NPC1L1: variants seen among roughly 807,000 people sequenced by gnomAD.
The protein encoded by NPC1L1 is NPC1 like intracellular cholesterol transporter 1.
NPC1L1 carries 98 observed loss-of-function variants against 117.0 expected under a neutral mutation model. That is an observed-to-expected ratio of 0.84 (90% CI 0.71 to 0.99). The LOEUF (loss-of-function observed/expected upper bound fraction) is 0.99, where lower values mean the gene tolerates loss of function less well. NPC1L1 is among the 50% of genes least tolerant of loss of function. The pLI is 0.00. For synonymous variants in NPC1L1, 729 were observed against 727.6 expected, an observed-to-expected ratio of 1.00 and a Z score of -0.03; for missense variants, 1,540 against 1,710.0, an observed-to-expected ratio of 0.90 and a Z score of 1.75.
In NPC1L1 at chr7:44,521,803, C is replaced by T; in HGVS notation, c.2862G>A (p.Val954=). 1 of 1,614,082 alleles carries T rather than the reference C, an allele frequency of 6.2e-7. No individual in the cohort carries two copies. The highest frequency in any genetic ancestry group is 8.5e-7 in the Non-Finnish European group (1 of 1,180,008). Residue 954 remains valine, a synonymous_variant, in exon 12 of 19, where the codon GTG becomes GTA. Transcript: ENST00000381160. ...GGGTCAGCCAGTCAATGAAGTCATCCACCCAGGAGGAGGCAGGGATGGCCA... is the reference window on the plus strand; with the variant it reads ...GGGTCAGCCAGTCAATGAAGTCATCTACCCAGGAGGAGGCAGGGATGGCCA... ...SYLAIPASSW[V]DDFIDWLTPS... is the part of the protein sequence containing the mutation.
chr7:44,516,761 C>T lies in NPC1L1; in HGVS notation c.3461G>A (p.Gly1154Asp), dbSNP rs1383861944. Residue 1154 changes from glycine (G) to aspartate (D), a missense_variant, in exon 16 of 19, where the codon GGC (glycine) becomes GAC (aspartate). Gly to Asp is a moderately conservative substitution (Grantham distance 94). This residue lies in a region of NPC1L1 where 742 missense variants were observed against 873.6 expected (regional missense o/e 0.85). Coordinates refer to ENST00000381160, the MANE Select transcript of NPC1L1 (RefSeq NM_001101648.2). The stretch of plus-strand genomic sequence containing the variant: ...ACTGATGCCCCACAGGGCCATGAAG[C>T]CGACAGTGTCCACGAGGATCATGAC... Reference protein sequence around the residue: ...SIVMILVDTVGFMALWGISYN... With the variant: ...SIVMILVDTVDFMALWGISYN... 6.2e-7 allele frequency: 1 copy of T among 1,613,714 alleles called. No homozygotes were observed. Among genetic ancestry groups the T allele is most frequent in the Non-Finnish European group, 8.5e-7 (1 of 1,179,886 alleles).
At chr7:44,533,920 G>A in intron 6 of NPC1L1, 67 bp from the exon 7 acceptor site, 1 of 1,386,962 alleles carries the variant, frequency 7.2e-7, no homozygotes, top group Non-Finnish European at 1.0e-6. Context: ...AGGCCAGCAG[G>A]GAGTTGGCAA....
chr7:44,524,732 A>G (rs1801457945), intron 10 of NPC1L1, among the ~76,000 whole-genome samples: 1 of 152,190 alleles, frequency 6.6e-6, no homozygotes, highest in South Asian at 2.1e-4. Context: ...TGATAGAGCA[A>G]GACTCTGTCT....
chr7:44,525,397 A>G (rs1801481038), intron 10 of NPC1L1, among the ~76,000 whole-genome samples: 1 of 152,172 alleles, frequency 6.6e-6, no homozygotes, highest in African/African-American at 2.4e-5. Context: ...ATCTTGGACT[A>G]CAAGTGCGCA....
chr7:44,536,521 C>T lies in NPC1L1; in HGVS notation c.1682-93G>A, dbSNP rs1329075042. On this transcript the variant is annotated intron_variant, in intron 3 of 18. Coordinates refer to ENST00000381160, the MANE Select transcript of NPC1L1 (RefSeq NM_001101648.2). This position sits in a 1 kb window ranked among gnomAD's most constrained non-coding sequence, Gnocchi z 4.7. ...TATATTCCCTCCCCCTATCTAGCTG[C>T]ACCCCTCCCATCACCCCTTGCTCCT... The T allele has an allele frequency of 3.6e-6, 5 of 1,375,492 alleles. No homozygotes were observed. Among genetic ancestry groups the T allele is most frequent in the Non-Finnish European group, 5.1e-6 (5 of 979,008 alleles). 85.2% of individuals were successfully genotyped at this position (1,375,492 alleles called of 1,614,324 possible).
At position 44,516,609 on chromosome 7, in the gene NPC1L1, A is replaced by G. The variant is rs1269118819; in HGVS notation, c.3519+94T>C. The G allele has an allele frequency of 4.3e-5, 46 of 1,076,080 alleles. No individual in the cohort carries two copies. In the East Asian group the frequency reaches 1.2e-3, roughly 27 times the overall value. 66.7% of individuals were successfully genotyped at this position (1,076,080 alleles called of 1,614,324 possible). On this transcript the variant is annotated intron_variant, in intron 16 of 18. Transcript: ENST00000381160. ...CAACAGAGCAAGACCCTGCCTCTAAAAAAAGAAACAAAAAAGAACTAGGAG... is the reference window on the plus strand; with the variant it reads ...CAACAGAGCAAGACCCTGCCTCTAAGAAAAGAAACAAAAAAGAACTAGGAG...
At chr7:44,513,937 C>A (rs1801113633) in intron 18 of NPC1L1, among the ~76,000 whole-genome samples, 1 of 152,164 alleles carries the variant, frequency 6.6e-6, no homozygotes, top group African/African-American at 2.4e-5. Context: ...TTGCCCCTCT[C>A]TTATGTCTCA....
chr7:44,520,323 C>G (rs1004625874), intron 14 of NPC1L1, among the ~76,000 whole-genome samples: 1 of 152,056 alleles, frequency 6.6e-6, no homozygotes, highest in African/African-American at 2.4e-5. Flanking sequence ...CTGGGCTGGT[C>G]TCAAACTCCT....
In NPC1L1 at chr7:44,521,053, G is replaced by T. The variant is rs532195161; in HGVS notation, c.3019C>A (p.Gln1007Lys). 1.7e-5 allele frequency: 28 copies of T among 1,614,136 alleles called. No individual in the cohort carries two copies. The South Asian group carries it at 3.0e-4, about 17-fold the overall frequency. ...AACCAGGGAAGATACTTATGGAACT[G>T]CTCCACCGAGGGCCTCACAGAGCCC... ...TMGSVRPSVE[Q>K]FHKYLPWFLN... Residue 1007 changes from glutamine (Q) to lysine (K), a missense_variant, in exon 13 of 19, where the codon CAG becomes AAG. By Grantham distance (53) the Gln-to-Lys change is moderately conservative. Transcript: ENST00000381160.
In NPC1L1 at chr7:44,517,194, C is replaced by T. The variant is rs761421077; in HGVS notation, c.3287+13G>A. ...ACCCCACCTCCCTCCAGCCCAGCCA[C>T]TCAGGTCCTCACGTGTAGGGGAAGA... On this transcript the variant is annotated intron_variant, in intron 15 of 18. Transcript: ENST00000381160. 1 of 1,614,134 alleles carries T rather than the reference C, an allele frequency of 6.2e-7. No homozygotes were observed. The highest frequency in any genetic ancestry group is 8.5e-7 in the Non-Finnish European group (1 of 1,179,978).
intron 17 of NPC1L1, 33 bp downstream of exon 17, chr7:44,516,050 TG>T: frequency 6.2e-7 from 1 of 1,606,688 alleles, no homozygotes; most frequent in African/African-American, 1.3e-5. Context: ...GGGTGTCGAG[TG>T]GGGCACAGGG....
chr7:44,514,874 G>C (rs975676166), intron 18 of NPC1L1, among the ~76,000 whole-genome samples: 3 of 151,186 alleles, frequency 2.0e-5, no homozygotes, highest in Non-Finnish European at 4.4e-5. Context: ...TTGGCCAGGC[G>C]TGGTGGTGCG....
rs139257371 is a variant in NPC1L1, at chr7:44,522,183, C to G, written c.2697G>C (p.Pro899=). Residue 899 remains proline (P), a synonymous_variant, in exon 11 of 19, where the codon CCG becomes CCC. Transcript: ENST00000381160. ...FLNRYFEVGA[P]VYFVTTLGYN... is the part of the protein sequence containing the mutation. ...AGCCCAAGGTGGTAACAAAGTACAC[C>G]GGGGCCCCCACCTCGAAGTAGCGGT... The G allele has an allele frequency of 3.1e-6, 5 of 1,613,884 alleles. No individual in the cohort carries two copies. Among genetic ancestry groups the G allele is most frequent in the Non-Finnish European group, 4.2e-6 (5 of 1,179,924 alleles).
At chr7:44,513,672 A>T (rs764169421) in intron 18 of NPC1L1, 23 bp from the exon 19 acceptor site, 19 of 1,609,916 alleles carry the variant, frequency 1.2e-5, no homozygotes, top group Admixed American at 1.7e-5. Context: ...AGAGAACCAC[A>T]GTCAGAGAGG....
chr7:44,531,340 T>G (rs1054960918), intron 10 of NPC1L1, among the ~76,000 whole-genome samples: 9 of 152,112 alleles, frequency 5.9e-5, no homozygotes, highest in Non-Finnish European at 4.4e-5. Flanking sequence ...GTCATCACTT[T>G]CCTCTGCAAA....
At position 44,540,139 on chromosome 7, in the gene NPC1L1, G is replaced by T. The variant is rs553339988; in HGVS notation, c.258C>A (p.Asn86Lys). ...GCTTGGCGGAGCAGCAGGCTTGGGT[G>T]TTGGGGCCGGTGTAGAGGCGGGGGC... ...KICPRLYTGP[N>K]TQACCSAKQL... The change falls in exon 2 of 19, where the codon AAC becomes AAA. Residue 86 changes from asparagine to lysine, a missense_variant. Asn to Lys is a moderately conservative substitution (Grantham distance 94). Transcript: ENST00000381160. The T allele has an allele frequency of 2.5e-6, 4 of 1,614,086 alleles. No individual in the cohort carries two copies. The highest frequency in any genetic ancestry group is 3.4e-6 in the Non-Finnish European group (4 of 1,180,050).
At chr7:44,533,581 C>G in intron 7 of NPC1L1, 23 bp from the exon 8 acceptor site, 4 of 1,614,054 alleles carry the variant, frequency 2.5e-6, no homozygotes, top group Non-Finnish European at 3.4e-6. Flanking sequence ...AGAGGGCTGT[C>G]AGGGCACCCT....
rs1271523043 is a variant in NPC1L1, at chr7:44,534,680, T to C, written c.1984-51A>G. On this transcript the variant is annotated intron_variant, in intron 5 of 18. Coordinates refer to ENST00000381160, the MANE Select transcript of NPC1L1 (RefSeq NM_001101648.2). This position sits in a 1 kb window ranked among gnomAD's most constrained non-coding sequence, Gnocchi z 5.2. ...CTAGCCACTTAGCACCTACCCAGTA[T>C]GCCCACCAGCCTCAGCTAGGCCAGA... is the stretch of plus-strand genomic sequence containing the variant. The C allele has an allele frequency of 1.9e-6, 3 of 1,598,486 alleles. No individual in the cohort carries two copies. The highest frequency in any genetic ancestry group is 2.6e-6 in the Non-Finnish European group (3 of 1,169,184).
rs758836726 is a variant in NPC1L1 at position 44,533,481 on chromosome 7, G to A, written c.2359C>T (p.Gln787Ter). ...AGCAGGGCCACAAAGGCTGACATCT[G>A]CAGGAGGAAGTCAAGGATCACTGCA... ...GLAVILDFLL[Q>*]MSAFVALLSL... Residue 787 changes from glutamine to a stop codon, truncating the protein, a stop_gained, in exon 8 of 19, where the codon CAG becomes TAG. Coordinates refer to ENST00000381160, the MANE Select transcript of NPC1L1 (RefSeq NM_001101648.2). LOFTEE classifies it high-confidence loss of function. The A allele has an allele frequency of 1.9e-6, 3 of 1,614,138 alleles. No individual in the cohort carries two copies. In the East Asian group the frequency reaches 6.7e-5, roughly 36 times the overall value.
Sources: allele counts gnomAD v4.1 joint callset (sites outside exome capture counted in the v4.1 genomes callset), GRCh38; gene constraint gnomAD v4.1.1; regional missense constraint gnomAD v4.1.1; non-coding constraint Gnocchi (gnomAD v3.1); transcripts MANE v1.5; gene names NCBI Gene and HGNC (gene_info 2026-07-23, HGNC 2026-07-21).